Variants in ABTB3 observed in about 807,000 individuals in gnomAD.
ABTB3 encodes the protein ankyrin repeat and BTB domain containing 3, also known as ankyrin repeat- and BTB/POZ domain-containing protein 3.
the ABTB3 span, among the ~76,000 whole-genome samples, chr12:107,437,445 G>T: frequency 6.6e-6 from 1 of 151,134 alleles, no homozygotes; most frequent in Non-Finnish European, 1.5e-5. Context: ...CACCCAGGCT[G>T]GAGTACAGTG....
the ABTB3 span, among the ~76,000 whole-genome samples, chr12:107,384,631 C>T: frequency 6.6e-6 from 1 of 152,166 alleles, no homozygotes; most frequent in Non-Finnish European, 1.5e-5. Flanking sequence ...GGCCTCAGTA[C>T]ATCCCCTGGG....
the ABTB3 span, among the ~76,000 whole-genome samples, chr12:107,653,637 G>T: frequency 6.6e-6 from 1 of 152,278 alleles, no homozygotes; most frequent in African/African-American, 2.4e-5. Flanking sequence ...TAAGAGCCTT[G>T]TTGCATCTTG....
At chr12:107,640,220 T>C in the ABTB3 span, 2 of 677,544 alleles carry the variant, frequency 3.0e-6, no homozygotes, top group African/African-American at 1.8e-5. Flanking sequence ...AAGATTTCCT[T>C]GCTCACTCTT....
the ABTB3 span, among the ~76,000 whole-genome samples, chr12:107,523,837 A>G: frequency 6.6e-6 from 1 of 152,176 alleles, no homozygotes; most frequent in African/African-American, 2.4e-5. Flanking sequence ...GACCCTAGAA[A>G]TGTAGGATCT....
At chr12:107,497,933 C>T in the ABTB3 span, among the ~76,000 whole-genome samples, 1 of 152,088 alleles carries the variant, frequency 6.6e-6, no homozygotes, top group Non-Finnish European at 1.5e-5. Flanking sequence ...AAGCCCCTCT[C>T]CTTTTTTCCC....
the ABTB3 span, among the ~76,000 whole-genome samples, chr12:107,429,820 C>T: frequency 3.9e-5 from 6 of 152,186 alleles, no homozygotes; most frequent in African/African-American, 1.2e-4. Context: ...ACATTGGTAT[C>T]CATTGCGGAT....
At chr12:107,373,582 A>T in the ABTB3 span, among the ~76,000 whole-genome samples, 1 of 152,232 alleles carries the variant, frequency 6.6e-6, no homozygotes, top group Non-Finnish European at 1.5e-5. Flanking sequence ...CTGTGATATT[A>T]TGCAGAGGCC....
chr12:107,388,394 CCTT>C, the ABTB3 span, among the ~76,000 whole-genome samples: 806 of 151,566 alleles, frequency 5.3e-3, 3 homozygotes, highest in African/African-American at 0.018. Context: ...TTATCTGCCT[CCTT>C]CTTCTTTTCC....
chr12:107,415,656 C>T, the ABTB3 span, among the ~76,000 whole-genome samples: 9 of 151,498 alleles, frequency 5.9e-5, no homozygotes, highest in East Asian at 5.8e-4. Flanking sequence ...TGCAGTCATC[C>T]GAGATCACGC....
At chr12:107,534,668 C>A in the ABTB3 span, among the ~76,000 whole-genome samples, 2 of 152,126 alleles carry the variant, frequency 1.3e-5, no homozygotes, top group African/African-American at 4.8e-5. Context: ...AATAACTATA[C>A]ACCAACAGAT....
chr12:107,609,312 C>T, the ABTB3 span, among the ~76,000 whole-genome samples: 4 of 152,224 alleles, frequency 2.6e-5, no homozygotes, highest in Admixed American at 2.6e-4. Flanking sequence ...TTGATTTCAT[C>T]ATTAATTGAT....
the ABTB3 span, among the ~76,000 whole-genome samples, chr12:107,394,712 T>A: frequency 6.6e-6 from 1 of 152,226 alleles, no homozygotes; most frequent in South Asian, 2.1e-4. Context: ...GCTATTTAAA[T>A]AAGTCGATAC....
the ABTB3 span, among the ~76,000 whole-genome samples, chr12:107,576,762 G>T: frequency 6.6e-6 from 1 of 152,228 alleles, no homozygotes; most frequent in Middle Eastern, 3.4e-3. Flanking sequence ...TACCTACTCC[G>T]CACTCTTTAC....
At chr12:107,539,974 A>T in the ABTB3 span, among the ~76,000 whole-genome samples, 1 of 152,172 alleles carries the variant, frequency 6.6e-6, no homozygotes, top group Non-Finnish European at 1.5e-5. Context: ...GCTTTTAAAA[A>T]TTTCTTGGAT....
chr12:107,423,145 A>G, the ABTB3 span, among the ~76,000 whole-genome samples: 1 of 152,188 alleles, frequency 6.6e-6, no homozygotes, highest in African/African-American at 2.4e-5. Context: ...GTTGTGCATT[A>G]CTAGGAGGGA....
At chr12:107,646,608 A>G in the ABTB3 span, among the ~76,000 whole-genome samples, 3 of 152,158 alleles carry the variant, frequency 2.0e-5, no homozygotes, top group Non-Finnish European at 2.9e-5. Flanking sequence ...CGCCACCACC[A>G]TCTCTGCGAC....
the ABTB3 span, among the ~76,000 whole-genome samples, chr12:107,603,900 T>C: frequency 6.6e-6 from 1 of 152,222 alleles, no homozygotes; most frequent in Non-Finnish European, 1.5e-5. Context: ...CCGGGCGTGG[T>C]GGCTCATGCC....
chr12:107,626,583 C>T, the ABTB3 span, among the ~76,000 whole-genome samples: 5 of 151,988 alleles, frequency 3.3e-5, no homozygotes, highest in East Asian at 7.7e-4. Flanking sequence ...CTCCTGACCT[C>T]GTGATCTGCC....
the ABTB3 span, among the ~76,000 whole-genome samples, chr12:107,517,399 G>A: frequency 6.6e-6 from 1 of 152,260 alleles, no homozygotes; most frequent in East Asian, 1.9e-4. Context: ...TTCCAATTCT[G>A]TGAAGAAAGT....
Sources: gnomAD v4.1 joint callset for allele counts (sites outside exome capture counted in the v4.1 genomes callset) on GRCh38, gnomAD v4.1.1 for gene constraint, MANE v1.5 for transcripts, NCBI Gene and HGNC (gene_info 2026-07-23, HGNC 2026-07-21) for gene names.